PDE11A: variants seen among roughly 807,000 people sequenced by gnomAD.
PDE11A encodes phosphodiesterase 11A.
PDE11A carries 100 observed loss-of-function variants against 100.5 expected under a neutral mutation model. The ratio of observed to expected loss-of-function variants is 1.00; its 90% CI spans 0.85 to 1.18. PDE11A has a LOEUF of 1.18. PDE11A is among the 50% of genes most tolerant of loss of function. The pLI is 0.00. For missense variants in PDE11A, 1,141 were observed against 1,152.6 expected, an observed-to-expected ratio of 0.99 and a Z score of 0.15; for synonymous variants, 381 against 420.8, an observed-to-expected ratio of 0.91 and a Z score of 1.16.
chr2:177,695,539 G>A (rs1316307850), intron 15 of PDE11A, among the ~76,000 whole-genome samples: 1 of 152,136 alleles, frequency 6.6e-6, no homozygotes, highest in South Asian at 2.1e-4. Flanking sequence ...TAGCTTCTAA[G>A]TGCTTGGCTA....
chr2:177,933,680 A>T (rs1032263943), intron 2 of PDE11A, among the ~76,000 whole-genome samples: 1 of 152,094 alleles, frequency 6.6e-6, no homozygotes, highest in East Asian at 1.9e-4. Context: ...GACTCCATAA[A>T]AAATAAATAA....
chr2:177,665,111 G>A (rs1206814000), intron 18 of PDE11A, among the ~76,000 whole-genome samples: 1 of 152,140 alleles, frequency 6.6e-6, no homozygotes, highest in Non-Finnish European at 1.5e-5. Flanking sequence ...CTGGAATTTG[G>A]AGAAAATTGT....
chr2:177,973,147 G>A (rs1041233405), intron 2 of PDE11A, among the ~76,000 whole-genome samples: 2 of 150,420 alleles, frequency 1.3e-5, no homozygotes, highest in African/African-American at 2.5e-5. Context: ...GCAGAAGACG[G>A]GTGATTTCTG....
chr2:178,068,157 T>A lies in PDE11A; in HGVS notation c.912+3369A>T, dbSNP rs191494811. ...TCATTACTATATTAAAGTGGACTGTTAAATAACTTATAACTATCTGGGGAA... is the reference window on the plus strand; with the variant it reads ...TCATTACTATATTAAAGTGGACTGTAAAATAACTTATAACTATCTGGGGAA... On this transcript the variant is annotated intron_variant, in intron 1 of 19. Transcript: ENST00000286063. Among the ~76,000 whole-genome samples, 899 of 152,308 alleles carry A rather than the reference T, an allele frequency of 5.9e-3. 2 individuals are homozygous for A. The highest frequency in any genetic ancestry group is 8.2e-3 in the Non-Finnish European group (555 of 68,020).
chr2:177,955,781 AC>A (rs2085553999), intron 2 of PDE11A, among the ~76,000 whole-genome samples: 3 of 152,222 alleles, frequency 2.0e-5, no homozygotes, highest in Non-Finnish European at 4.4e-5. Flanking sequence ...CTGATCTTTG[AC>A]AAACCTGAGA....
intron 19 of PDE11A, among the ~76,000 whole-genome samples, chr2:177,638,030 C>A (rs1207660892): frequency 7.8e-6 from 1 of 128,674 alleles, no homozygotes; most frequent in Non-Finnish European, 1.6e-5. Context: ...GATGGAGTCT[C>A]GCTCTGTCAC....
intron 9 of PDE11A, among the ~76,000 whole-genome samples, chr2:177,798,410 G>C (rs1005234733): frequency 1.3e-5 from 2 of 152,068 alleles, no homozygotes; most frequent in Admixed American, 1.3e-4. Flanking sequence ...ATGCTGTTTT[G>C]GTGAAAATCG....
In PDE11A at chr2:177,842,419, A is replaced by T. The variant is rs912163631; in HGVS notation, c.1368-2036T>A. On this transcript the variant is annotated intron_variant, in intron 5 of 19. Coordinates refer to ENST00000286063, the MANE Select transcript of PDE11A (RefSeq NM_016953.4). ...GGAACAAAAGACACAAATGCAGCAG[A>T]GTACGAAGTGTGTTCTTGGCACAAT... is the stretch of plus-strand genomic sequence containing the variant. Among the ~76,000 whole-genome samples, 3 of 152,214 alleles carry T rather than the reference A, an allele frequency of 2.0e-5. No homozygotes were observed. The East Asian group carries it at 5.8e-4, about 29-fold the overall frequency.
chr2:177,792,801 T>C (rs2082651781), intron 9 of PDE11A, among the ~76,000 whole-genome samples: 2 of 152,200 alleles, frequency 1.3e-5, no homozygotes, highest in South Asian at 4.1e-4. Context: ...TACCGATGAA[T>C]GAACCATTCA....
chr2:177,872,916 G>C (rs1292184142), intron 5 of PDE11A, among the ~76,000 whole-genome samples: 1 of 152,150 alleles, frequency 6.6e-6, no homozygotes, highest in Non-Finnish European at 1.5e-5. Context: ...TGATGGAAAG[G>C]TCTTCTGAGA....
At chr2:178,106,044 T>C (rs1559073507) in intron 1 of PDE11A, among the ~76,000 whole-genome samples, 2 of 152,214 alleles carry the variant, frequency 1.3e-5, no homozygotes, top group African/African-American at 4.8e-5. Flanking sequence ...CCTAAGCACA[T>C]ATTGATCTAT....
intron 10 of PDE11A, among the ~76,000 whole-genome samples, chr2:177,744,536 A>T (rs2081920555): frequency 6.6e-6 from 1 of 152,178 alleles, no homozygotes; most frequent in South Asian, 2.1e-4. Flanking sequence ...AGTTCACCTT[A>T]TTCAATCACT....
intron 5 of PDE11A, among the ~76,000 whole-genome samples, chr2:177,849,223 G>C (rs928705981): frequency 6.6e-6 from 1 of 152,132 alleles, no homozygotes; most frequent in African/African-American, 2.4e-5. Flanking sequence ...ATACAGAAAG[G>C]GGTATGGGCA....
intron 2 of PDE11A, among the ~76,000 whole-genome samples, chr2:177,910,428 CTATATA>C (rs56372605): frequency 4.4e-5 from 6 of 137,568 alleles, no homozygotes; most frequent in African/African-American, 1.5e-4. Context: ...CTCTCTCTCT[CTATATA>C]TATATATATA....
intron 2 of PDE11A, among the ~76,000 whole-genome samples, chr2:177,934,695 T>A (rs1025992335): frequency 1.3e-5 from 2 of 152,200 alleles, no homozygotes; most frequent in Non-Finnish European, 2.9e-5. Flanking sequence ...TGCATGTTCA[T>A]CACAGCACTG....
intron 1 of PDE11A, among the ~76,000 whole-genome samples, chr2:178,049,664 T>G (rs141236792): frequency 0.016 from 2,505 of 152,186 alleles, 54 homozygotes; most frequent in African/African-American, 0.055. Context: ...ATACTGTGCT[T>G]TTCCAACAGT....
chr2:177,835,997 C>T (rs548968828), intron 6 of PDE11A, among the ~76,000 whole-genome samples: 2 of 152,350 alleles, frequency 1.3e-5, no homozygotes, highest in South Asian at 2.1e-4. Flanking sequence ...CCCCGACGAG[C>T]GCTGCCCCCT....
Position 178,091,309 on chromosome 2 carries a change from G to A in PDE11A, c.162+12993C>T, listed in dbSNP as rs368726510. On this transcript the variant is annotated intron_variant, in intron 2 of 20. Transcript: ENST00000358450. ...TGATCTCCAATTCCTGGGCTCAAGCGATCTGTGCACCTCGGCCTCCCAAAG... is the reference window on the plus strand; with the variant it reads ...TGATCTCCAATTCCTGGGCTCAAGCAATCTGTGCACCTCGGCCTCCCAAAG... Among the ~76,000 whole-genome samples the A allele has an allele frequency of 8.2e-4, 125 of 152,280 alleles. 2 individuals are homozygous for A. The highest frequency in any genetic ancestry group is 2.7e-3 in the African/African-American group (114 of 41,562).
At chr2:177,695,766 G>T (rs2081102504) in intron 15 of PDE11A, among the ~76,000 whole-genome samples, 1 of 152,158 alleles carries the variant, frequency 6.6e-6, no homozygotes, top group Admixed American at 6.5e-5. Flanking sequence ...TCTATATACT[G>T]ATTTTCTAGC....
Sources: gnomAD v4.1 joint callset for allele counts (sites outside exome capture counted in the v4.1 genomes callset) on GRCh38, gnomAD v4.1.1 for gene constraint, MANE v1.5 for transcripts, NCBI Gene and HGNC (gene_info 2026-07-23, HGNC 2026-07-21) for gene names.